Variants in HEPH observed in about 807,000 individuals in gnomAD.
The protein encoded by HEPH is hephaestin.
Under a neutral mutation model 80.8 loss-of-function variants are expected in HEPH, and 69 were observed. The observed-to-expected ratio is 0.85, with a 90% CI of 0.70 to 1.04. HEPH has a LOEUF of 1.04. HEPH is among the 50% of genes least tolerant of loss of function. HEPH has a pLI of 0.00. For missense variants in HEPH, 1,115 were observed against 891.3 expected (o/e 1.25, Z -3.20); for synonymous variants, 431 against 322.8 (o/e 1.34, Z -3.60).
At chrX:66,205,167 G>A (rs1017725062) in intron 13 of HEPH, among the ~76,000 whole-genome samples, 7 of 111,393 alleles carry the variant, frequency 6.3e-5, no homozygotes, top group African/African-American at 2.3e-4. Context: ...ACATGTGCAG[G>A]TTTGTTACAT....
chrX:66,266,606 A>G lies in HEPH; in HGVS notation c.3411A>G (p.Arg1137=). 2 of 1,210,370 alleles carry G rather than the reference A, an allele frequency of 1.7e-6. No homozygotes were observed. Among genetic ancestry groups the G allele is most frequent in the Non-Finnish European group, 2.2e-6 (2 of 894,893 alleles). ...TGGTTTGGTACCAACATCGACAGAG[A>G]AAGCTACGACGCAATAGGAGGTCCA... The part of the protein sequence containing the change: ...GGVVWYQHRQ[R]KLRRNRRSIL... Residue 1137 remains arginine, a synonymous_variant, in exon 21 of 21, where the codon AGA becomes AGG. Coordinates refer to ENST00000343002, the MANE Select transcript of HEPH (RefSeq NM_001367233.3).
Position 66,231,885 on chromosome X carries a change from T to G in HEPH, c.2564-23150T>G, listed in dbSNP as rs1363939755. ...TTCAAAGGGAATGCTTCCAGTTTTT[T>G]CCCATTCAGTATGATATTGGCTGTG... On this transcript the variant is annotated intron_variant, in intron 15 of 20. Transcript: ENST00000343002. 2.5e-4 allele frequency among the ~76,000 whole-genome samples: 27 copies of G among 109,625 alleles called. 1 individual carries two copies. The highest frequency in any genetic ancestry group is 3.0e-4 in the African/African-American group (9 of 29,531).
intron 2 of HEPH, among the ~76,000 whole-genome samples, chrX:66,171,713 C>A (rs1037845296): frequency 2.7e-5 from 3 of 111,777 alleles, no homozygotes; most frequent in African/African-American, 9.7e-5. Flanking sequence ...AATTCATTAT[C>A]CTTCATCCCT....
rs760317128 is a variant in HEPH, at chrX:66,200,571, C to G, written c.1896C>G (p.Pro632=). 8.3e-7 allele frequency: 1 copy of G among 1,207,517 alleles called. No individual in the cohort carries two copies. Among genetic ancestry groups the G allele is most frequent in the Non-Finnish European group, 1.1e-6 (1 of 893,255 alleles). ...AINGFLFSNL[P]RLDMCKGDTV... ...ATGGGTTTCTGTTCTCTAACCTGCC[C>G]AGGCTGGACATGTGCAAGGGTGACA... The change falls in exon 12 of 21, where the codon CCC becomes CCG. Residue 632 remains proline (P), a synonymous_variant. Transcript: ENST00000343002.
chrX:66,232,957 A>G (rs775461464), intron 15 of HEPH, among the ~76,000 whole-genome samples: 1 of 110,607 alleles, frequency 9.0e-6, no homozygotes, highest in Non-Finnish European at 1.9e-5. Flanking sequence ...TATGAGCTGT[A>G]TTTTATAAGG....
intron 15 of HEPH, among the ~76,000 whole-genome samples, chrX:66,229,499 G>C (rs1258976544): frequency 7.2e-5 from 8 of 111,776 alleles, no homozygotes; most frequent in African/African-American, 2.3e-4. Context: ...ATTGAATACA[G>C]TGTACACTGC....
chrX:66,223,485 T>C (rs2089741175), intron 15 of HEPH, among the ~76,000 whole-genome samples: 1 of 111,825 alleles, frequency 8.9e-6, no homozygotes, highest in East Asian at 2.8e-4. Flanking sequence ...TTAGTAAAAC[T>C]TTGTATACGT....
intron 13 of HEPH, among the ~76,000 whole-genome samples, chrX:66,206,205 A>AAAC (rs1215392541): frequency 9.1e-6 from 1 of 110,045 alleles, no homozygotes; most frequent in African/African-American, 3.3e-5. Flanking sequence ...GCCTTTTGTA[A>AAAC]AACTAATTTC....
At chrX:66,253,631 CTT>C (rs1367115949) in intron 15 of HEPH, among the ~76,000 whole-genome samples, 151 of 111,602 alleles carry the variant, frequency 1.4e-3, no homozygotes, top group Non-Finnish European at 2.4e-3. Flanking sequence ...CACATAAAAA[CTT>C]GTACACAAAT....
intron 15 of HEPH, among the ~76,000 whole-genome samples, chrX:66,224,409 G>A (rs191841551): frequency 9.1e-6 from 1 of 109,983 alleles, no homozygotes; most frequent in Non-Finnish European, 1.9e-5. Flanking sequence ...TTGGAACTTT[G>A]TATGGTAATT....
At position 66,189,492 on chromosome X, in the gene HEPH, T is replaced by C. The variant is rs563074807; in HGVS notation, c.809-192T>C. 5.4e-5 allele frequency among the ~76,000 whole-genome samples: 6 copies of C among 112,076 alleles called. No homozygotes were observed. In the South Asian group the frequency reaches 2.3e-3, roughly 42 times the overall value. ...TTGGTTTTCTCTCTCTCTCTCTTTT[T>C]TAATGAGACTAATGATATCTGCCTA... On this transcript the variant is annotated intron_variant, in intron 5 of 20. Transcript: ENST00000343002.
At chrX:66,218,224 T>C (rs748652090) in intron 15 of HEPH, among the ~76,000 whole-genome samples, 7 of 112,094 alleles carry the variant, frequency 6.2e-5, no homozygotes, top group Non-Finnish European at 1.1e-4. Flanking sequence ...AACTGCAGAA[T>C]ATGCATTCTA....
At chrX:66,212,006 ATTTTT>A in intron 15 of HEPH, among the ~76,000 whole-genome samples, 2 of 107,914 alleles carry the variant, frequency 1.9e-5, no homozygotes, top group Middle Eastern at 4.7e-3. Flanking sequence ...TGTCATTATT[ATTTTT>A]TTTTCTTTTT....
At chrX:66,164,195 G>A, upstream of HEPH, 1 of 752,936 alleles carries the variant, frequency 1.3e-6, no homozygotes, top group African/African-American at 2.3e-5. Context: ...CCGGATATGG[G>A]TAAAGAACCA....
intron 2 of HEPH, chrX:66,171,182 A>C (rs2086581268): frequency 3.2e-6 from 1 of 309,430 alleles, no homozygotes; most frequent in Non-Finnish European, 6.1e-6. Flanking sequence ...ATTAATGGTA[A>C]TAATTCTCAC....
At chrX:66,199,569 T>G (rs1018715188) in intron 11 of HEPH, among the ~76,000 whole-genome samples, 1 of 111,965 alleles carries the variant, frequency 8.9e-6, no homozygotes, top group Admixed American at 9.5e-5. Flanking sequence ...TGGTACTAGG[T>G]AATGTGCTAG....
intron 15 of HEPH, among the ~76,000 whole-genome samples, chrX:66,232,300 G>A (rs1477392772): frequency 9.0e-6 from 1 of 111,233 alleles, no homozygotes; most frequent in East Asian, 2.8e-4. Flanking sequence ...CATAAAATGA[G>A]TTAGGGAGGA....
At chrX:66,234,304 A>AT (rs1225843566) in intron 15 of HEPH, among the ~76,000 whole-genome samples, 3 of 111,678 alleles carry the variant, frequency 2.7e-5, no homozygotes, top group Non-Finnish European at 1.9e-5. Flanking sequence ...TTAAAAAAAA[A>AT]AATCCAATCT....
chrX:66,173,886 A>G, intron 4 of HEPH, 85 bp downstream of exon 4: 1 of 646,230 alleles, frequency 1.5e-6, no homozygotes. Context: ...TACATATTGG[A>G]CAGCAGCCTG....
Sources: allele counts gnomAD v4.1 joint callset (sites outside exome capture counted in the v4.1 genomes callset), GRCh38; gene constraint gnomAD v4.1.1; transcripts MANE v1.5; gene names NCBI Gene and HGNC (gene_info 2026-07-23, HGNC 2026-07-21).